Variants in DHX8 observed in about 807,000 individuals in gnomAD.
The protein encoded by DHX8 is DEAH-box helicase 8, also known as ATP-dependent RNA helicase DHX8.
Under a neutral mutation model 140.7 loss-of-function variants are expected in DHX8, and 67 were observed. The ratio of observed to expected loss-of-function variants is 0.48; its 90% CI spans 0.39 to 0.58. DHX8 has a LOEUF of 0.58. Among genes scored for constraint, DHX8 ranks in the 20% least tolerant of loss-of-function variants. The probability of loss-of-function intolerance (pLI) is 0.00; values close to 1 mark genes in which losing one functional copy is unlikely to be tolerated. For synonymous variants in DHX8, 533 were observed against 553.2 expected (o/e 0.96, Z 0.51); for missense variants, 887 against 1,550.7 (o/e 0.57, Z 7.19).
intron 19 of DHX8, 45 bp from the exon 20 acceptor site, chr17:43,520,706 T>C (rs1338671726): frequency 2.5e-6 from 4 of 1,613,024 alleles, no homozygotes; most frequent in Non-Finnish European, 3.4e-6. Flanking sequence ...AATCCAAATG[T>C]GTCTTCCACA....
chr17:43,508,193 A>G (rs1969598337), intron 15 of DHX8, 146 bp from the exon 16 acceptor site: 4 of 1,196,884 alleles, frequency 3.3e-6, no homozygotes, highest in East Asian at 5.0e-5. Flanking sequence ...AATGTCATAT[A>G]TAAACAAACT....
chr17:43,502,572 G>A (rs920581448), intron 11 of DHX8, among the ~76,000 whole-genome samples: 3 of 151,914 alleles, frequency 2.0e-5, no homozygotes, highest in Non-Finnish European at 2.9e-5. Flanking sequence ...ACAGGTGACC[G>A]CCACCACGCA....
At chr17:43,514,522 G>A (rs925240764) in intron 17 of DHX8, among the ~76,000 whole-genome samples, 1 of 151,600 alleles carries the variant, frequency 6.6e-6, no homozygotes, top group Non-Finnish European at 1.5e-5. Flanking sequence ...TGGTTTTTTG[G>A]TAATTATGGA....
rs1241580716 is a variant in DHX8 at position 43,500,120 on chromosome 17, G to C, written c.1546+17G>C. On this transcript the variant is annotated intron_variant, in intron 11 of 22. Transcript: ENST00000262415. ...TGCCTGATGGTAGGACCCTTGGAGG[G>C]GTGTATGGACCTTGTTTAAAAATCT... is the stretch of plus-strand genomic sequence containing the variant. The C allele has an allele frequency of 1.2e-6, 2 of 1,612,624 alleles. No homozygotes were observed. Among genetic ancestry groups the C allele is most frequent in the East Asian group, 2.2e-5 (1 of 44,846 alleles).
intron 12 of DHX8, 36 bp downstream of exon 12, chr17:43,504,861 G>A: frequency 3.2e-6 from 5 of 1,575,612 alleles, no homozygotes; most frequent in Non-Finnish European, 4.3e-6. Context: ...GTGGGGAGTA[G>A]GGTTATTGTC....
At chr17:43,496,039 A>G (rs960138062) in intron 8 of DHX8, 142 bp from the exon 9 acceptor site, 7 of 613,186 alleles carry the variant, frequency 1.1e-5, no homozygotes, top group Non-Finnish European at 2.0e-5. Flanking sequence ...TTGAGGTTGC[A>G]GTGAGCTTTG....
At position 43,511,327 on chromosome 17, in the gene DHX8, A is replaced by C. The variant is rs573729676; in HGVS notation, c.2503-2035A>C. Among the ~76,000 whole-genome samples the C allele has an allele frequency of 2.6e-5, 4 of 152,248 alleles. No individual in the cohort carries two copies. The East Asian group carries it at 7.7e-4, about 29-fold the overall frequency. ...CCTGGGCAATGAGCAAAACTATCTCAAAAGGAAGATAAAGATAGACATAGG... is the reference window on the plus strand; with the variant it reads ...CCTGGGCAATGAGCAAAACTATCTCCAAAGGAAGATAAAGATAGACATAGG... On this transcript the variant is annotated intron_variant, in intron 16 of 22. Transcript: ENST00000262415.
At chr17:43,503,790 G>A (rs1969345666) in intron 11 of DHX8, among the ~76,000 whole-genome samples, 1 of 152,230 alleles carries the variant, frequency 6.6e-6, no homozygotes, top group Admixed American at 6.5e-5. Context: ...AAGGAAAAGG[G>A]AGGAATGGGG....
rs755732273 is a variant in DHX8 at position 43,492,763 on chromosome 17, A to G, written c.586A>G (p.Arg196Gly). The G allele has an allele frequency of 3.7e-6, 6 of 1,613,992 alleles. No individual in the cohort carries two copies. In the African/African-American group the frequency reaches 8.0e-5, roughly 22 times the overall value. ...CAGAGATAGGGAACGAAACCGAGAT[A>G]GAGACCACAAGCGGAGACACCGATC... ...RDRDRERNRDRDHKRRHRSRS... is the reference protein window; with the variant it reads ...RDRDRERNRDGDHKRRHRSRS... The change falls in exon 6 of 23, where the codon AGA (arginine) becomes GGA (glycine). Residue 196 changes from arginine (R) to glycine (G), a missense_variant. Physicochemically the swap from Arg to Gly is moderately radical, Grantham distance 125 (BLOSUM62 -2). Transcript: ENST00000262415.
intron 2 of DHX8, chr17:43,533,413 A>G (rs1971068375): frequency 6.7e-7 from 1 of 1,487,778 alleles, no homozygotes; most frequent in Non-Finnish European, 9.2e-7. Flanking sequence ...TGAACCCTTC[A>G]TTCCTAGGAA....
At chr17:43,501,724 A>AT (rs1013875542) in intron 11 of DHX8, among the ~76,000 whole-genome samples, 7 of 138,218 alleles carry the variant, frequency 5.1e-5, no homozygotes, top group Non-Finnish European at 9.8e-5. Context: ...ACCTCAGGTG[A>AT]TCCCCCCCCC....
At chr17:43,491,128 C>G (rs181886394) in intron 3 of DHX8, 37 bp from the exon 4 acceptor site, 2 of 1,034,912 alleles carry the variant, frequency 1.9e-6, no homozygotes, top group South Asian at 2.0e-5. Flanking sequence ...ATATATATCT[C>G]TTTTTTTAAC....
Position 43,521,464 on chromosome 17 carries a change from C to A in DHX8, c.3162C>A (p.Asn1054Lys). The part of the protein sequence containing the change: ...TLLAVYNSWK[N>K]NKFSNPWCYE... ...TAGCTGTGTACAACTCCTGGAAGAA[C>A]AACAAGTTCTCCAACCCATGGTGCT... Residue 1054 changes from asparagine to lysine, a missense_variant, in exon 21 of 23, where the codon AAC becomes AAA. Asn to Lys is a moderately conservative substitution (Grantham distance 94). Around this residue, in one of 9 missense-constraint regions of DHX8, gnomAD observed 101 missense variants for 168.2 expected, o/e 0.60. Coordinates refer to ENST00000262415, the MANE Select transcript of DHX8 (RefSeq NM_004941.3). 6.2e-7 allele frequency: 1 copy of A among 1,613,898 alleles called. No individual in the cohort carries two copies. The highest frequency in any genetic ancestry group is 8.5e-7 in the Non-Finnish European group (1 of 1,179,970).
At chr17:43,521,653 A>T in intron 21 of DHX8, 88 bp downstream of exon 21, 1 of 1,296,530 alleles carries the variant, frequency 7.7e-7, no homozygotes, top group Non-Finnish European at 1.1e-6. Flanking sequence ...CTATAAAGCT[A>T]TAGGCACCTT....
downstream of DHX8, chr17:43,529,326 T>G: frequency 6.9e-7 from 1 of 1,443,182 alleles, no homozygotes. Context: ...AGATTCTTGG[T>G]GCAAAGTGCC....
chr17:43,536,928 A>G (rs1234145884), intron 3 of DHX8, among the ~76,000 whole-genome samples: 2 of 152,228 alleles, frequency 1.3e-5, no homozygotes, highest in African/African-American at 2.4e-5. Flanking sequence ...TTCTTCTTCT[A>G]GATGCTTTGT....
At chr17:43,511,517 G>A (rs1270699784) in intron 16 of DHX8, among the ~76,000 whole-genome samples, 1 of 127,084 alleles carries the variant, frequency 7.9e-6, no homozygotes, top group Non-Finnish European at 1.6e-5. Flanking sequence ...GAATGCAGTG[G>A]CATGATCTTG....
At chr17:43,486,008 C>T (rs1968120151) in intron 1 of DHX8, among the ~76,000 whole-genome samples, 1 of 151,930 alleles carries the variant, frequency 6.6e-6, no homozygotes, top group Non-Finnish European at 1.5e-5. Context: ...ACCAGCCTGG[C>T]CAACATGGCG....
intron 3 of DHX8, among the ~76,000 whole-genome samples, chr17:43,542,844 A>G (rs945212686): frequency 1.3e-5 from 2 of 152,018 alleles, no homozygotes; most frequent in African/African-American, 4.8e-5. Context: ...AAAAAACCAA[A>G]CTGAGAAAGG....
Sources: allele counts gnomAD v4.1 joint callset (sites outside exome capture counted in the v4.1 genomes callset), GRCh38; gene constraint gnomAD v4.1.1; regional missense constraint gnomAD v4.1.1; transcripts MANE v1.5; gene names NCBI Gene and HGNC (gene_info 2026-07-23, HGNC 2026-07-21).